The following RBKS variants were observed in gnomAD, a reference collection of about 807,000 sequenced individuals.
RBKS encodes ribokinase.
RBKS carries 33 observed loss-of-function variants against 33.9 expected under a neutral mutation model. The ratio of observed to expected loss-of-function variants is 0.97; its 90% CI spans 0.74 to 1.30. RBKS has a LOEUF of 1.30. Ranked by LOEUF, RBKS falls within the 50% of genes most tolerant of loss-of-function variation. The pLI, the probability that RBKS is intolerant of heterozygous loss-of-function variation, is 0.00. For missense variants in RBKS, 361 were observed against 392.6 expected, an observed-to-expected ratio of 0.92 and a Z score of 0.68; for synonymous variants, 125 against 143.0, an observed-to-expected ratio of 0.87 and a Z score of 0.90.
rs1663658771 is a variant in RBKS at position 27,848,110 on chromosome 2, A to G, written c.223-13T>C. 3.6e-6 allele frequency: 5 copies of G among 1,381,674 alleles called. No individual in the cohort carries two copies. In the South Asian group the frequency reaches 6.2e-5, roughly 17 times the overall value. 85.6% of individuals were successfully genotyped at this position (1,381,674 alleles called of 1,614,324 possible). A position where few individuals can be genotyped will look rare whatever the true frequency, so the allele number is the denominator to read the frequency against. ...AATCTTTGCCAACCTGTACCAAAGAAATAATGAATATTAGATCTTTTAGAG... is the reference window on the plus strand; with the variant it reads ...AATCTTTGCCAACCTGTACCAAAGAGATAATGAATATTAGATCTTTTAGAG... On this transcript the variant is annotated splice_polypyrimidine_tract_variant and intron_variant, in intron 2 of 7. Transcript: ENST00000302188.
At chr2:27,863,937 C>T (rs1664039070) in intron 1 of RBKS, among the ~76,000 whole-genome samples, 1 of 152,196 alleles carries the variant, frequency 6.6e-6, no homozygotes, top group South Asian at 2.1e-4. Flanking sequence ...TTCCCTAACC[C>T]TTCATTTGCA....
intron 7 of RBKS, among the ~76,000 whole-genome samples, chr2:27,783,975 CTTTTTTTTTT>C (rs1161206494): frequency 7.2e-5 from 4 of 55,308 alleles, no homozygotes; most frequent in African/African-American, 2.5e-4. Context: ...GGGTCATTTT[CTTTTTTTTTT>C]TTTTTTTTTT....
chr2:27,813,671 A>T (rs1307046940), intron 7 of RBKS, among the ~76,000 whole-genome samples: 1 of 152,036 alleles, frequency 6.6e-6, no homozygotes, highest in African/African-American at 2.4e-5. Context: ...ATATATCTAT[A>T]TATATATATG....
intron 2 of RBKS, among the ~76,000 whole-genome samples, chr2:27,853,713 G>C (rs1456983295): frequency 6.6e-6 from 1 of 152,132 alleles, no homozygotes; most frequent in East Asian, 1.9e-4. Flanking sequence ...ACCATTATTA[G>C]GCCTGATTAT....
chr2:27,843,121 C>T lies in RBKS; in HGVS notation c.460G>A (p.Glu154Lys), dbSNP rs1391161889. ...SRAKVMVCQL[E>K]ITPATSLEAL... ...TCCAAAGAAGTTGCTGGAGTTATTT[C>T]GAGCTGGCAGACCATGACTTTGGCT... Residue 154 changes from glutamate (E) to lysine (K), a missense_variant, in exon 5 of 8, where the codon GAA becomes AAA. Coordinates refer to ENST00000302188, the MANE Select transcript of RBKS (RefSeq NM_022128.3). The T allele has an allele frequency of 3.1e-6, 5 of 1,610,884 alleles. No homozygotes were observed. Among genetic ancestry groups the T allele is most frequent in the East Asian group, 4.5e-5 (2 of 44,696 alleles).
chr2:27,850,077 T>TACAGC (rs1663707965), intron 2 of RBKS, among the ~76,000 whole-genome samples: 1 of 152,224 alleles, frequency 6.6e-6, no homozygotes, highest in African/African-American at 2.4e-5. Context: ...CAGTTGAATC[T>TACAGC]ACAGCAGAGG....
At chr2:27,858,603 A>T (rs199851829) in intron 1 of RBKS, 32 bp from the exon 2 acceptor site, 1 of 1,598,772 alleles carries the variant, frequency 6.3e-7, no homozygotes, top group East Asian at 2.2e-5. Context: ...AGAAAAAAGC[A>T]TATTGGTAAC....
At chr2:27,829,629 A>G (rs1394238095) in intron 6 of RBKS, among the ~76,000 whole-genome samples, 1 of 152,158 alleles carries the variant, frequency 6.6e-6, no homozygotes, top group African/African-American at 2.4e-5. Context: ...GGCCTCCCAA[A>G]GTGCTGGGAT....
chr2:27,810,038 G>A lies in RBKS; in HGVS notation c.795+17529C>T. 1 of 1,304,228 alleles carries A rather than the reference G, an allele frequency of 7.7e-7. No homozygotes were observed. Among genetic ancestry groups the A allele is most frequent in the Non-Finnish European group, 1.0e-6 (1 of 988,950 alleles). The allele number at this position is 1,304,228 out of a possible 1,614,324, so 80.8% of individuals were successfully genotyped here. A position where few individuals can be genotyped will look rare whatever the true frequency, so the allele number is the denominator to read the frequency against. ...TGCTTCACTCTTGGGTCTTGAGCCA[G>A]GTCTACACTGTGAAAATGAAGGAAG... On this transcript the variant is annotated intron_variant, in intron 7 of 7. Transcript: ENST00000302188. This position sits in a 1 kb window ranked among gnomAD's most constrained non-coding sequence, Gnocchi z 4.4.
At chr2:27,866,210 A>G (rs886420242) in intron 1 of RBKS, among the ~76,000 whole-genome samples, 3 of 152,190 alleles carry the variant, frequency 2.0e-5, no homozygotes, top group African/African-American at 7.2e-5. Context: ...TTGACAGTTT[A>G]GTTTTCAAGC....
chr2:27,788,211 A>T (rs554800097), intron 7 of RBKS, among the ~76,000 whole-genome samples: 6 of 152,312 alleles, frequency 3.9e-5, no homozygotes, highest in African/African-American at 1.4e-4. Context: ...TCTACTCAAC[A>T]TTGTACTGGA....
chr2:27,867,322 A>G (rs1423106030), intron 1 of RBKS, among the ~76,000 whole-genome samples: 1 of 152,126 alleles, frequency 6.6e-6, no homozygotes. Flanking sequence ...ATATTATAGA[A>G]AGTTGAGAAG....
At chr2:27,828,353 C>T (rs1678358093) in intron 6 of RBKS, among the ~76,000 whole-genome samples, 1 of 151,946 alleles carries the variant, frequency 6.6e-6, no homozygotes, top group African/African-American at 2.4e-5. Flanking sequence ...AAGGAAAGGG[C>T]CACTGCCAAG....
At chr2:27,865,249 G>A (rs1664072832) in intron 1 of RBKS, among the ~76,000 whole-genome samples, 1 of 152,184 alleles carries the variant, frequency 6.6e-6, no homozygotes, top group Non-Finnish European at 1.5e-5. Context: ...GAACCCAGGA[G>A]GCGGAGGTTG....
chr2:27,835,283 A>G (rs917921349), intron 5 of RBKS, among the ~76,000 whole-genome samples: 1 of 151,990 alleles, frequency 6.6e-6, no homozygotes, highest in Non-Finnish European at 1.5e-5. Flanking sequence ...TCTCAAAAAA[A>G]AAAAAAAGAA....
At chr2:27,802,430 T>TTGTGTGTGTG (rs35820162) in intron 7 of RBKS, among the ~76,000 whole-genome samples, 2 of 148,992 alleles carry the variant, frequency 1.3e-5, no homozygotes, top group African/African-American at 2.5e-5. Context: ...GAACATATGT[T>TTGTGTGTGTG]TGTGTGTGTG....
intron 7 of RBKS, among the ~76,000 whole-genome samples, chr2:27,814,601 A>C (rs1678053331): frequency 6.6e-6 from 1 of 152,256 alleles, no homozygotes; most frequent in Non-Finnish European, 1.5e-5. Flanking sequence ...AGAATACTAA[A>C]TGAAGGAAAA....
chr2:27,850,353 A>G (rs1027061225), intron 2 of RBKS, among the ~76,000 whole-genome samples: 2 of 152,240 alleles, frequency 1.3e-5, no homozygotes, highest in African/African-American at 2.4e-5. Context: ...CATAGTTTAC[A>G]TTAGGGTTCA....
At chr2:27,872,714 A>C (rs1233145285) in intron 1 of RBKS, among the ~76,000 whole-genome samples, 1 of 152,198 alleles carries the variant, frequency 6.6e-6, no homozygotes, top group Admixed American at 6.5e-5. Context: ...AACAACAAGA[A>C]ATTGTCAAAT....
Sources: allele counts gnomAD v4.1 joint callset (sites outside exome capture counted in the v4.1 genomes callset), GRCh38; gene constraint gnomAD v4.1.1; non-coding constraint Gnocchi (gnomAD v3.1); transcripts MANE v1.5; gene names NCBI Gene and HGNC (gene_info 2026-07-23, HGNC 2026-07-21).